The following HSPA4L variants were observed in gnomAD, a reference collection of about 807,000 sequenced individuals.
The protein encoded by HSPA4L is heat shock 70 kDa protein 4L.
HSPA4L carries 48 observed loss-of-function variants against 100.3 expected under a neutral mutation model. That is an observed-to-expected ratio of 0.48 (90% confidence interval 0.38 to 0.61). HSPA4L has a LOEUF of 0.61. HSPA4L is among the 20% of genes least tolerant of loss of function. HSPA4L has a pLI of 0.00. For synonymous variants in HSPA4L, 319 were observed against 328.2 expected, an observed-to-expected ratio of 0.97 and a Z score of 0.30; for missense variants, 886 against 988.6, an observed-to-expected ratio of 0.90 and a Z score of 1.39.
rs1361393969 is a variant in HSPA4L, at chr4:127,818,389, A to G, written c.1643A>G (p.Glu548Gly). ...TGTCATGCTGAACACACTCCAGAAG[A>G]GGAAATTGATCATACAGGAGCCAAA... ...QKCHAEHTPE[E>G]EIDHTGAKTK... Residue 548 changes from glutamate to glycine, a missense_variant, in exon 13 of 19, where the codon GAG (glutamate) becomes GGG (glycine). By Grantham distance (98) the Glu-to-Gly change is moderately conservative. Coordinates refer to ENST00000296464, the MANE Select transcript of HSPA4L (RefSeq NM_014278.4). 2.5e-6 allele frequency: 4 copies of G among 1,609,068 alleles called. No individual in the cohort carries two copies. Among genetic ancestry groups the G allele is most frequent in the Non-Finnish European group, 3.4e-6 (4 of 1,177,234 alleles).
intron 8 of HSPA4L, among the ~76,000 whole-genome samples, chr4:127,804,539 G>A (rs1578702439): frequency 6.6e-6 from 1 of 151,896 alleles, no homozygotes; most frequent in Admixed American, 6.6e-5. Context: ...CTGGGAGGCG[G>A]ATGTTGCAGT....
intron 1 of HSPA4L, chr4:127,783,742 T>G: frequency 7.2e-7 from 1 of 1,396,134 alleles, no homozygotes; most frequent in Non-Finnish European, 9.8e-7. Context: ...TTAACTATAC[T>G]AAAACAAGGT....
chr4:127,820,700 A>G (rs1351882794), intron 14 of HSPA4L, 135 bp downstream of exon 14: 7 of 760,348 alleles, frequency 9.2e-6, no homozygotes, highest in South Asian at 1.9e-5. Context: ...TTACTAAACT[A>G]TTTTTTACAA....
chr4:127,786,990 T>C (rs1416579998), intron 1 of HSPA4L, among the ~76,000 whole-genome samples: 1 of 152,222 alleles, frequency 6.6e-6, no homozygotes, highest in African/African-American at 2.4e-5. Context: ...ATAGGGAATA[T>C]GGATTTTCTT....
At chr4:127,793,744 T>C (rs1732939787) in intron 1 of HSPA4L, among the ~76,000 whole-genome samples, 1 of 152,202 alleles carries the variant, frequency 6.6e-6, no homozygotes, top group South Asian at 2.1e-4. Flanking sequence ...TTAGCCTTTT[T>C]AACTGTTTAC....
At chr4:127,796,740 T>A (rs1474853435) in intron 3 of HSPA4L, among the ~76,000 whole-genome samples, 1 of 152,178 alleles carries the variant, frequency 6.6e-6, no homozygotes, top group Admixed American at 6.5e-5. Flanking sequence ...GTATGATTCC[T>A]TTTATATAGA....
chr4:127,836,065 A>G lies in HSPA4L; in HGVS notation c.*3191A>G, dbSNP rs1370776210. ...CACTGCACTCCAGCCTGGGCAACAG[A>G]GTGAGGCCCTGTCTCAAACACATAA... is the stretch of plus-strand genomic sequence containing the variant. On this transcript the variant is annotated 3_prime_UTR_variant, in exon 19 of 19. Transcript: ENST00000296464. 2.0e-5 allele frequency: 3 copies of G among 152,832 alleles called. No individual in the cohort carries two copies. Among genetic ancestry groups the G allele is most frequent in the Non-Finnish European group, 2.9e-5 (2 of 68,550 alleles). 9.5% of individuals were successfully genotyped at this position (152,832 alleles called of 1,614,324 possible).
intron 1 of HSPA4L, among the ~76,000 whole-genome samples, chr4:127,786,243 T>C (rs534804054): frequency 2.8e-4 from 43 of 152,308 alleles, no homozygotes; most frequent in Non-Finnish European, 4.6e-4. Context: ...AAACAATGAA[T>C]TGGATTCTGT....
At chr4:127,802,414 T>G (rs894253838) in intron 6 of HSPA4L, among the ~76,000 whole-genome samples, 1 of 152,328 alleles carries the variant, frequency 6.6e-6, no homozygotes, top group Non-Finnish European at 1.5e-5. Flanking sequence ...CTCTCCAGTA[T>G]GCACAGAGTA....
chr4:127,832,977 T>A lies in HSPA4L; in HGVS notation c.*103T>A. The A allele has an allele frequency of 1.2e-6, 1 of 804,884 alleles. No individual in the cohort carries two copies. Among genetic ancestry groups the A allele is most frequent in the East Asian group, 2.9e-5 (1 of 35,036 alleles). The allele number at this position is 804,884 out of a possible 1,614,324, so 49.9% of individuals were successfully genotyped here. On this transcript the variant is annotated 3_prime_UTR_variant, in exon 19 of 19. Coordinates refer to ENST00000296464, the MANE Select transcript of HSPA4L (RefSeq NM_014278.4). ...CAGACGCTCAGTTGTTCTTAACCAC[T>A]TTTGTCATTTGTTTTTTGGAGTAGT...
intron 14 of HSPA4L, among the ~76,000 whole-genome samples, chr4:127,821,655 T>G (rs1733817046): frequency 6.6e-6 from 1 of 152,146 alleles, no homozygotes; most frequent in Non-Finnish European, 1.5e-5. Flanking sequence ...CCTTTGGATT[T>G]GGATCCAGGT....
chr4:127,784,692 C>T (rs555932882), intron 1 of HSPA4L, among the ~76,000 whole-genome samples: 18 of 152,312 alleles, frequency 1.2e-4, no homozygotes, highest in African/African-American at 3.8e-4. Context: ...GTGTAGTGCT[C>T]TTACACTATG....
chr4:127,818,572 G>T (rs921090823), intron 13 of HSPA4L, 152 bp downstream of exon 13: 1 of 488,396 alleles, frequency 2.0e-6, no homozygotes, highest in South Asian at 5.2e-5. Context: ...ATACTTTAAT[G>T]ATTTATTAAG....
Position 127,782,401 on chromosome 4 carries a change from T to C in HSPA4L, c.-150T>C. 1 of 644,032 alleles carries C rather than the reference T, an allele frequency of 1.6e-6. No homozygotes were observed. The highest frequency in any genetic ancestry group is 2.8e-6 in the Non-Finnish European group (1 of 355,656). The allele number at this position is 644,032 out of a possible 1,614,324, so 39.9% of individuals were successfully genotyped here. ...TCTGCTCCTTCCGCGGGTTTCCGACTCCCTGCCCTAGATTTTCTGCTTAGC... is the reference window on the plus strand; with the variant it reads ...TCTGCTCCTTCCGCGGGTTTCCGACCCCCTGCCCTAGATTTTCTGCTTAGC... On this transcript the variant is annotated 5_prime_UTR_variant, in exon 1 of 19. Transcript: ENST00000296464.
chr4:127,802,598 T>G, intron 6 of HSPA4L, among the ~76,000 whole-genome samples: 1 of 152,310 alleles, frequency 6.6e-6, no homozygotes, highest in East Asian at 1.9e-4. Context: ...CATATTAACT[T>G]ACTTTAAAAA....
At chr4:127,799,072 G>A (rs1173689733) in intron 4 of HSPA4L, among the ~76,000 whole-genome samples, 1 of 151,720 alleles carries the variant, frequency 6.6e-6, no homozygotes, top group Non-Finnish European at 1.5e-5. Flanking sequence ...GTGTATCAGG[G>A]GAAAAAAAAG....
chr4:127,805,878 G>T, intron 10 of HSPA4L, 85 bp downstream of exon 10: 1 of 818,868 alleles, frequency 1.2e-6, no homozygotes, highest in Non-Finnish European at 1.9e-6. Context: ...AGAAATTTAC[G>T]CTTCTTAAAA....
chr4:127,833,676 C>T lies in HSPA4L; in HGVS notation c.*802C>T, dbSNP rs1030252415. On this transcript the variant is annotated 3_prime_UTR_variant, in exon 19 of 19. Transcript: ENST00000296464. ...GGGAAATGCTGTTTATCTACTCAGA[C>T]ATGCATCTGTGATGTTCATAGCCTT... The T allele has an allele frequency of 2.0e-5, 3 of 152,168 alleles. No homozygotes were observed. The highest frequency in any genetic ancestry group is 4.4e-5 in the Non-Finnish European group (3 of 68,020). The allele number at this position is 152,168 out of a possible 1,614,324, so 9.4% of individuals were successfully genotyped here.
At position 127,817,663 on chromosome 4, in the gene HSPA4L, G is replaced by A. The variant is rs191306591; in HGVS notation, c.1579-662G>A. ...TTTAGAAACACCCACTTTGAGTTTT[G>A]ATTAATTTGATTAATTTTGATTAAT... On this transcript the variant is annotated intron_variant, in intron 12 of 18. Coordinates refer to ENST00000296464, the MANE Select transcript of HSPA4L (RefSeq NM_014278.4). 2.0e-5 allele frequency among the ~76,000 whole-genome samples: 3 copies of A among 152,078 alleles called. No homozygotes were observed. In the East Asian group the frequency reaches 5.8e-4, roughly 29 times the overall value.
Sources: allele counts gnomAD v4.1 joint callset (sites outside exome capture counted in the v4.1 genomes callset), GRCh38; gene constraint gnomAD v4.1.1; transcripts MANE v1.5; gene names NCBI Gene and HGNC (gene_info 2026-07-23, HGNC 2026-07-21).